EMILIN2: variants seen among roughly 807,000 people sequenced by gnomAD.
The protein encoded by EMILIN2 is EMILIN-2.
Under a neutral mutation model 87.1 loss-of-function variants are expected in EMILIN2, and 71 were observed. That is an observed-to-expected ratio of 0.82 (90% CI 0.67 to 0.99). The LOEUF (loss-of-function observed/expected upper bound fraction) is 0.99, where lower values mean the gene tolerates loss of function less well. Ranked by LOEUF, EMILIN2 falls within the 50% of genes least tolerant of loss-of-function variation. EMILIN2 has a pLI of 0.00. For missense variants in EMILIN2, 1,407 were observed against 1,371.8 expected (o/e 1.03, Z -0.40); for synonymous variants, 581 against 563.4 (o/e 1.03, Z -0.44).
At chr18:2,867,718 A>G in intron 2 of EMILIN2, among the ~76,000 whole-genome samples, 1 of 152,190 alleles carries the variant, frequency 6.6e-6, no homozygotes, top group East Asian at 1.9e-4. Context: ...TTCTTAGTAC[A>G]GAACAAAACA....
At chr18:2,873,311 G>A (rs1221118811) in intron 2 of EMILIN2, among the ~76,000 whole-genome samples, 2 of 152,198 alleles carry the variant, frequency 1.3e-5, no homozygotes, top group East Asian at 3.8e-4. Context: ...TCAGGAGGTT[G>A]AGGTAGGAGA....
At chr18:2,895,520 C>T (rs557973773) in intron 4 of EMILIN2, among the ~76,000 whole-genome samples, 21 of 152,332 alleles carry the variant, frequency 1.4e-4, no homozygotes, top group South Asian at 4.1e-4. Flanking sequence ...CTTGGCTCAG[C>T]GGTTCTTCTG....
intron 2 of EMILIN2, among the ~76,000 whole-genome samples, chr18:2,867,373 G>T (rs995345438): frequency 7.3e-5 from 11 of 150,620 alleles, no homozygotes; most frequent in East Asian, 2.0e-4. Flanking sequence ...TTTATTTATT[G>T]ATCATTCTTG....
intron 2 of EMILIN2, among the ~76,000 whole-genome samples, chr18:2,872,627 A>G (rs1469182540): frequency 6.6e-6 from 1 of 152,224 alleles, no homozygotes; most frequent in African/African-American, 2.4e-5. Flanking sequence ...GTAAATTGTA[A>G]TGTAGATTAC....
At chr18:2,895,961 G>C (rs1784762) in intron 4 of EMILIN2, among the ~76,000 whole-genome samples, 63,305 of 151,914 alleles carry the variant, frequency 0.42, 13,975 homozygotes, top group East Asian at 0.65. Flanking sequence ...ACACACTGTG[G>C]TGTTTCTACT....
chr18:2,865,233 C>T (rs1028284125), intron 2 of EMILIN2, among the ~76,000 whole-genome samples: 4 of 152,220 alleles, frequency 2.6e-5, no homozygotes, highest in East Asian at 1.9e-4. Flanking sequence ...AGTCATTCTG[C>T]GTCCAGCTTT....
At chr18:2,879,871 AACTTTTAAAG>A (rs917559526) in intron 2 of EMILIN2, among the ~76,000 whole-genome samples, 2 of 151,922 alleles carry the variant, frequency 1.3e-5, no homozygotes, top group East Asian at 3.9e-4. Flanking sequence ...ATGCGTGGCT[AACTTTTAAAG>A]ATTTTTAGTA....
At chr18:2,872,446 C>G (rs917720137) in intron 2 of EMILIN2, among the ~76,000 whole-genome samples, 3 of 152,200 alleles carry the variant, frequency 2.0e-5, no homozygotes, top group Middle Eastern at 3.4e-3. Context: ...GGCCTCGAAC[C>G]CTTATGCTCA....
chr18:2,866,098 GCTGT>G (rs1295227809), intron 2 of EMILIN2, among the ~76,000 whole-genome samples: 2 of 152,222 alleles, frequency 1.3e-5, no homozygotes, highest in Non-Finnish European at 2.9e-5. Context: ...TTTTCCAGGT[GCTGT>G]CTGTCACCCC....
At chr18:2,907,132 C>A (rs1254855906) in intron 5 of EMILIN2, 47 bp downstream of exon 5, 1 of 1,228,050 alleles carries the variant, frequency 8.1e-7, no homozygotes. Flanking sequence ...TCTCCCGGAA[C>A]TTCCGCCTGA....
chr18:2,895,890 G>A (rs2076861172), intron 4 of EMILIN2, among the ~76,000 whole-genome samples: 1 of 152,216 alleles, frequency 6.6e-6, no homozygotes, highest in Non-Finnish European at 1.5e-5. Flanking sequence ...AGTGAGCACA[G>A]ATCCAGAGGT....
Position 2,847,098 on chromosome 18 carries a change from C to A in EMILIN2, c.-91C>A. 2 of 1,071,480 alleles carry A rather than the reference C, an allele frequency of 1.9e-6. No individual in the cohort carries two copies. Among genetic ancestry groups the A allele is most frequent in the South Asian group, 2.5e-5 (1 of 40,114 alleles). The allele number at this position is 1,071,480 out of a possible 1,614,324, so 66.4% of individuals were successfully genotyped here. ...CGCCCGAGCCTCTTGCCTTCGCGGG[C>A]GGCGCCCTGGCCGCCGGCAGCCTTG... On this transcript the variant is annotated 5_prime_UTR_variant, in exon 1 of 8. Transcript: ENST00000254528. The surrounding 1 kb of genome is among the most constrained non-coding windows in gnomAD (Gnocchi z 4.5).
chr18:2,878,192 A>T (rs1282967382), intron 2 of EMILIN2, among the ~76,000 whole-genome samples: 2 of 152,132 alleles, frequency 1.3e-5, no homozygotes, highest in Non-Finnish European at 2.9e-5. Context: ...AGTGGTTAAG[A>T]TGCTAAATTT....
chr18:2,902,658 G>A (rs679935), intron 4 of EMILIN2, among the ~76,000 whole-genome samples: 140,872 of 152,248 alleles, frequency 0.93, 65,942 homozygotes, highest in Non-Finnish European at 1. Flanking sequence ...CGTCAGGCCG[G>A]AGAGAGTCAG....
In EMILIN2 at chr18:2,891,968, A is replaced by T; in HGVS notation, c.1841A>T (p.Gln614Leu). The T allele has an allele frequency of 1.2e-6, 2 of 1,614,188 alleles. No individual in the cohort carries two copies. Among genetic ancestry groups the T allele is most frequent in the Non-Finnish European group, 1.7e-6 (2 of 1,180,046 alleles). The change falls in exon 4 of 8, where the codon CAA (glutamine) becomes CTA (leucine). Residue 614 changes from glutamine to leucine, a missense_variant. By Grantham distance (113) the Gln-to-Leu change is moderately radical. Transcript: ENST00000254528. The surrounding 1 kb of genome is among the most constrained non-coding windows in gnomAD (Gnocchi z 4.6). ...LQQDFSFLYSQLNHTENDVTH... is the reference protein window; with the variant it reads ...LQQDFSFLYSLLNHTENDVTH... The stretch of plus-strand genomic sequence containing the variant: ...CAGGATTTTAGTTTTCTTTATTCTC[A>T]ATTAAACCACACAGAAAATGATGTG...
chr18:2,890,984 A>G lies in EMILIN2; in HGVS notation c.857A>G (p.Lys286Arg). 6.2e-7 allele frequency: 1 copy of G among 1,614,196 alleles called. No individual in the cohort carries two copies. The highest frequency in any genetic ancestry group is 8.5e-7 in the Non-Finnish European group (1 of 1,180,028). Residue 286 changes from lysine to arginine, a missense_variant, in exon 4 of 8, where the codon AAA (lysine) becomes AGA (arginine). Lys to Arg is a conservative substitution (Grantham distance 26). Transcript: ENST00000254528. This position sits in a 1 kb window ranked among gnomAD's most constrained non-coding sequence, Gnocchi z 4.7. The stretch of plus-strand genomic sequence containing the variant: ...GACAAGCTGGAAGAGCTGGATGGAA[A>G]AGTGAAGGGCTACGAAGGGCAGCTC... ...KSDKLEELDG[K>R]VKGYEGQLRQ...
rs2076949563 is a variant in EMILIN2 at position 2,913,104 on chromosome 18, C to G, written c.2862C>G (p.Ile954Met). Residue 954 changes from isoleucine (I) to methionine (M), a missense_variant, in exon 8 of 8, where the codon ATC (isoleucine) becomes ATG (methionine). Coordinates refer to ENST00000254528, the MANE Select transcript of EMILIN2 (RefSeq NM_032048.3). The stretch of plus-strand genomic sequence containing the variant: ...CTCCTTATGATGGGCGCTACCTGAT[C>G]ACGGCCACCCTCACCCCCGAGAGAG... ...FTAPYDGRYL[I>M]TATLTPERDA... 2 of 1,612,256 alleles carry G rather than the reference C, an allele frequency of 1.2e-6. No individual in the cohort carries two copies. The highest frequency in any genetic ancestry group is 1.3e-5 in the African/African-American group (1 of 74,914).
At chr18:2,851,638 G>A (rs570813193) in intron 2 of EMILIN2, among the ~76,000 whole-genome samples, 138 of 152,304 alleles carry the variant, frequency 9.1e-4, no homozygotes, top group African/African-American at 3.3e-3. Context: ...ACTACAGGCC[G>A]CAGGTGCCTT....
intron 2 of EMILIN2, among the ~76,000 whole-genome samples, chr18:2,868,629 A>AC (rs1387942575): frequency 6.6e-6 from 1 of 152,238 alleles, no homozygotes; most frequent in African/African-American, 2.4e-5. Context: ...CCCCGTCTCC[A>AC]CCAAAAAAAT....
Sources: gnomAD v4.1 joint callset for allele counts (sites outside exome capture counted in the v4.1 genomes callset) on GRCh38, gnomAD v4.1.1 for gene constraint, Gnocchi (gnomAD v3.1) non-coding constraint, MANE v1.5 for transcripts, NCBI Gene and HGNC (gene_info 2026-07-23, HGNC 2026-07-21) for gene names.